The following PARD3B variants were observed in gnomAD, a reference collection of about 807,000 sequenced individuals.
The protein encoded by PARD3B is partitioning defective 3 homolog B.
Under a neutral mutation model 130.2 loss-of-function variants are expected in PARD3B, and 103 were observed. The observed-to-expected ratio is 0.79, with a 90% CI of 0.67 to 0.93. PARD3B has a LOEUF of 0.93. Among genes scored for constraint, PARD3B ranks in the 40% least tolerant of loss-of-function variants. PARD3B has a pLI of 0.00. For synonymous variants in PARD3B, 583 were observed against 553.2 expected (o/e 1.05, Z -0.76); for missense variants, 1,609 against 1,499.2 (o/e 1.07, Z -1.21).
At chr2:205,360,530 T>C (rs1443014980) in intron 18 of PARD3B, among the ~76,000 whole-genome samples, 1 of 152,238 alleles carries the variant, frequency 6.6e-6, no homozygotes, top group Non-Finnish European at 1.5e-5. Context: ...CCACTCTGGT[T>C]TATTGTGTAA....
intron 15 of PARD3B, among the ~76,000 whole-genome samples, chr2:205,223,153 A>C (rs1574434476): frequency 1.3e-5 from 2 of 152,224 alleles, no homozygotes; most frequent in East Asian, 3.9e-4. Flanking sequence ...GATAAACACA[A>C]ATGAGAAAAA....
At chr2:205,249,519 C>T (rs1038617390) in intron 16 of PARD3B, among the ~76,000 whole-genome samples, 3 of 152,040 alleles carry the variant, frequency 2.0e-5, no homozygotes, top group African/African-American at 7.2e-5. Flanking sequence ...GTTGATCCTT[C>T]GGAGCTCAGA....
intron 4 of PARD3B, among the ~76,000 whole-genome samples, chr2:205,069,017 A>G (rs1700558187): frequency 6.6e-6 from 1 of 151,476 alleles, no homozygotes; most frequent in Non-Finnish European, 1.5e-5. Context: ...AAGCTTGTTC[A>G]TTTTGTTCTT....
chr2:204,665,226 G>C (rs1459490558), intron 1 of PARD3B, among the ~76,000 whole-genome samples: 1 of 151,956 alleles, frequency 6.6e-6, no homozygotes, highest in Admixed American at 6.6e-5. Context: ...AGTTGTGAAA[G>C]GTGTTGAGAT....
At chr2:204,883,455 A>ATATAAAATATATATATATATATATATATT (rs1377428928) in intron 2 of PARD3B, among the ~76,000 whole-genome samples, 16 of 77,274 alleles carry the variant, frequency 2.1e-4, no homozygotes, top group East Asian at 3.8e-4. Context: ...ATATATATAT[A>ATATAAAATATATATATATATATATATATT]TTTTTTTTTT....
At chr2:204,549,384 C>T (rs986682478) in intron 1 of PARD3B, among the ~76,000 whole-genome samples, 7 of 152,040 alleles carry the variant, frequency 4.6e-5, no homozygotes, top group South Asian at 2.1e-4. Flanking sequence ...TGGTGGGGAT[C>T]GTTGAGTAAT....
intron 19 of PARD3B, among the ~76,000 whole-genome samples, chr2:205,434,128 G>A (rs2047431445): frequency 6.6e-6 from 1 of 152,180 alleles, no homozygotes; most frequent in Admixed American, 6.5e-5. Flanking sequence ...AGCAGTGTGT[G>A]AATGTTCTGG....
chr2:205,222,179 TAAA>T (rs11352078), intron 15 of PARD3B, among the ~76,000 whole-genome samples: 1 of 147,516 alleles, frequency 6.8e-6, no homozygotes. Flanking sequence ...CCTTCCAATA[TAAA>T]AAAAAAAAAA....
At chr2:204,798,535 C>T (rs1284981031) in intron 2 of PARD3B, among the ~76,000 whole-genome samples, 1 of 152,140 alleles carries the variant, frequency 6.6e-6, no homozygotes, top group African/African-American at 2.4e-5. Context: ...GAGGCGCAGG[C>T]CACCTACGGA....
At chr2:205,313,072 A>G (rs1001590236) in intron 18 of PARD3B, among the ~76,000 whole-genome samples, 1 of 152,240 alleles carries the variant, frequency 6.6e-6, no homozygotes, top group Non-Finnish European at 1.5e-5. Flanking sequence ...AATGTAAAAA[A>G]ATGAGAGAGA....
At chr2:205,190,398 A>G (rs2036330569) in intron 14 of PARD3B, among the ~76,000 whole-genome samples, 1 of 152,204 alleles carries the variant, frequency 6.6e-6, no homozygotes, top group Admixed American at 6.5e-5. Context: ...CACTGCTTTG[A>G]TTAAGGATTT....
intron 4 of PARD3B, among the ~76,000 whole-genome samples, chr2:205,061,029 T>C (rs552932738): frequency 5.3e-5 from 8 of 152,260 alleles, no homozygotes; most frequent in African/African-American, 1.9e-4. Flanking sequence ...GATATCGTTA[T>C]TATGAAGTAT....
chr2:205,034,366 T>A (rs1444711124), intron 3 of PARD3B, among the ~76,000 whole-genome samples: 1 of 152,190 alleles, frequency 6.6e-6, no homozygotes, highest in Non-Finnish European at 1.5e-5. Flanking sequence ...GACAACTTGT[T>A]TTATCCCGAT....
At chr2:204,781,575 A>G (rs896292802) in intron 2 of PARD3B, among the ~76,000 whole-genome samples, 4 of 152,132 alleles carry the variant, frequency 2.6e-5, no homozygotes, top group African/African-American at 9.6e-5. Context: ...TCAGCTGTCA[A>G]CTTATTTGAT....
intron 2 of PARD3B, among the ~76,000 whole-genome samples, chr2:204,849,626 A>C (rs2044625698): frequency 6.6e-6 from 1 of 152,194 alleles, no homozygotes; most frequent in Admixed American, 6.5e-5. Flanking sequence ...ATTTTCATAC[A>C]TTAGGCCTTC....
At chr2:205,200,068 A>G (rs1284461250) in intron 15 of PARD3B, among the ~76,000 whole-genome samples, 4 of 152,082 alleles carry the variant, frequency 2.6e-5, no homozygotes. Flanking sequence ...CTAAACTGCT[A>G]AGTCAGGAAA....
chr2:204,873,162 G>A (rs1238053804), intron 2 of PARD3B, among the ~76,000 whole-genome samples: 1 of 152,330 alleles, frequency 6.6e-6, no homozygotes, highest in East Asian at 1.9e-4. Flanking sequence ...CTCTGCATAA[G>A]AAGGACAGAC....
intron 2 of PARD3B, among the ~76,000 whole-genome samples, chr2:204,775,860 T>G (rs2041596325): frequency 6.6e-6 from 1 of 152,170 alleles, no homozygotes; most frequent in African/African-American, 2.4e-5. Flanking sequence ...GGGAGGCTAA[T>G]TTTTTCTATT....
intron 16 of PARD3B, among the ~76,000 whole-genome samples, chr2:205,266,142 T>C: frequency 6.6e-6 from 1 of 152,150 alleles, no homozygotes; most frequent in Non-Finnish European, 1.5e-5. Context: ...ACTAAATGTC[T>C]ATTGATTTAA....
Sources: gnomAD v4.1 joint callset for allele counts (sites outside exome capture counted in the v4.1 genomes callset) on GRCh38, gnomAD v4.1.1 for gene constraint, MANE v1.5 for transcripts, NCBI Gene and HGNC (gene_info 2026-07-23, HGNC 2026-07-21) for gene names.